The following ZNF280D variants were observed in gnomAD, a reference collection of about 807,000 sequenced individuals.
ZNF280D encodes zinc finger protein 280D.
In ZNF280D, 39 loss-of-function variants were observed where a neutral mutation model predicts 94.7. That is an observed-to-expected ratio of 0.41 (90% CI 0.32 to 0.54). The LOEUF (loss-of-function observed/expected upper bound fraction) is 0.54, where lower values mean the gene tolerates loss of function less well. Ranked by LOEUF, ZNF280D falls within the 20% of genes least tolerant of loss-of-function variation. ZNF280D has a pLI of 0.22. For missense variants in ZNF280D, 1,090 were observed against 1,149.3 expected (o/e 0.95, Z 0.75); for synonymous variants, 398 against 377.6 (o/e 1.05, Z -0.63).
chr15:56,709,275 C>T (rs2057609172), intron 1 of ZNF280D, among the ~76,000 whole-genome samples: 1 of 152,106 alleles, frequency 6.6e-6, no homozygotes, highest in Non-Finnish European at 1.5e-5. Flanking sequence ...TCATCACTGG[C>T]TATCAGAGAA....
intron 1 of ZNF280D, among the ~76,000 whole-genome samples, chr15:56,708,529 T>C (rs1024168544): frequency 8.5e-5 from 13 of 152,188 alleles, no homozygotes; most frequent in African/African-American, 3.1e-4. Flanking sequence ...GTTTTTAAGT[T>C]ATCAGGTAAG....
Position 56,733,504 on chromosome 15 carries a change from A to T in ZNF280D, c.-132T>A, listed in dbSNP as rs1489615516. On this transcript the variant is annotated 5_prime_UTR_variant, in exon 1 of 22. Transcript: ENST00000267807. Reference sequence around the variant, plus strand: ...TGACTGGAGCCCTGAGGAGGAGGAGAAAGAGGAGGAGGAAAAGGAGGAGCA... The same window carrying T: ...TGACTGGAGCCCTGAGGAGGAGGAGTAAGAGGAGGAGGAAAAGGAGGAGCA... 8.7e-7 allele frequency: 1 copy of T among 1,143,860 alleles called. No homozygotes were observed. The highest frequency in any genetic ancestry group is 1.1e-6 in the Non-Finnish European group (1 of 919,010). 70.9% of individuals were successfully genotyped at this position (1,143,860 alleles called of 1,614,324 possible).
rs1308392914 is a variant in ZNF280D, at chr15:56,700,587, T to A, written c.381+346A>T. On this transcript the variant is annotated intron_variant, in intron 6 of 21. Transcript: ENST00000267807. ...AAAGCTATGATGGTCACTTGACTGT[T>A]TTCCCAATTAAGAATACCTGGTCCC... The A allele has an allele frequency of 1.3e-5, 15 of 1,144,218 alleles. No individual in the cohort carries two copies. In the African/African-American group the frequency reaches 2.4e-4, roughly 18 times the overall value. 70.9% of individuals were successfully genotyped at this position (1,144,218 alleles called of 1,614,324 possible). A position where few individuals can be genotyped will look rare whatever the true frequency, so the allele number is the denominator to read the frequency against.
At chr15:56,702,039 A>AC (rs1174578126) in intron 4 of ZNF280D, among the ~76,000 whole-genome samples, 1 of 150,880 alleles carries the variant, frequency 6.6e-6, no homozygotes, top group Non-Finnish European at 1.5e-5. Flanking sequence ...AAAAAAAAAA[A>AC]ACCACCCACC....
chr15:56,689,194 T>C (rs1265332404), intron 8 of ZNF280D, 44 bp from the exon 9 acceptor site: 1 of 1,577,868 alleles, frequency 6.3e-7, no homozygotes, highest in Admixed American at 1.8e-5. Flanking sequence ...TTCATCACTT[T>C]TTAACCTTAA....
At chr15:56,646,801 G>C (rs1464213525) in intron 19 of ZNF280D, among the ~76,000 whole-genome samples, 10 of 152,180 alleles carry the variant, frequency 6.6e-5, no homozygotes, top group Admixed American at 5.9e-4. Context: ...CTATGAAAGG[G>C]AAAGAGGCAA....
chr15:56,658,856 T>C (rs566227952), intron 16 of ZNF280D, among the ~76,000 whole-genome samples: 1 of 152,262 alleles, frequency 6.6e-6, no homozygotes, highest in South Asian at 2.1e-4. Flanking sequence ...CAATATGAAG[T>C]TATTAATAGT....
At chr15:56,716,803 A>C (rs2058074117) in intron 1 of ZNF280D, among the ~76,000 whole-genome samples, 1 of 152,180 alleles carries the variant, frequency 6.6e-6, no homozygotes, top group African/African-American at 2.4e-5. Context: ...ACTATAAGTA[A>C]CAAAAACCCA....
intron 6 of ZNF280D, chr15:56,700,431 G>A (rs1413739265): frequency 1.3e-4 from 104 of 771,964 alleles, no homozygotes; most frequent in Non-Finnish European, 1.6e-4. Context: ...CATATTAACA[G>A]CTCAATGAAT....
chr15:56,644,024 T>C (rs1596334972), intron 19 of ZNF280D, among the ~76,000 whole-genome samples: 1 of 151,970 alleles, frequency 6.6e-6, no homozygotes, highest in Non-Finnish European at 1.5e-5. Flanking sequence ...TTTGAAAAAT[T>C]AGGGCTATAA....
intron 6 of ZNF280D, among the ~76,000 whole-genome samples, chr15:56,695,654 C>T (rs1414017940): frequency 1.3e-5 from 2 of 151,506 alleles, no homozygotes; most frequent in African/African-American, 2.4e-5. Flanking sequence ...CTCAGCCTCC[C>T]GAGTAGCCGG....
At chr15:56,640,845 T>C (rs994881298) in intron 20 of ZNF280D, among the ~76,000 whole-genome samples, 1 of 152,160 alleles carries the variant, frequency 6.6e-6, no homozygotes, top group Non-Finnish European at 1.5e-5. Context: ...AACTTGATTG[T>C]ATGTTATTGA....
At chr15:56,687,804 T>C (rs1383733257) in intron 9 of ZNF280D, among the ~76,000 whole-genome samples, 1 of 152,218 alleles carries the variant, frequency 6.6e-6, no homozygotes, top group African/African-American at 2.4e-5. Flanking sequence ...TATCCAGGGC[T>C]ATACTCTGAG....
intron 1 of ZNF280D, among the ~76,000 whole-genome samples, chr15:56,721,641 G>C (rs2058366786): frequency 6.7e-6 from 1 of 148,606 alleles, no homozygotes; most frequent in African/African-American, 2.6e-5. Flanking sequence ...ATCTCTGTTA[G>C]CTTCAAGCTT....
At position 56,651,469 on chromosome 15, in the gene ZNF280D, C is replaced by A. The variant is rs981601161; in HGVS notation, c.2213+2729G>T. Reference sequence around the variant, plus strand: ...CTGACTGCCAAGTGTTTTATTTGAACCTTTTTTTAAAAATGAATTTACTGG... The same window carrying A: ...CTGACTGCCAAGTGTTTTATTTGAAACTTTTTTTAAAAATGAATTTACTGG... On this transcript the variant is annotated intron_variant, in intron 19 of 21. Transcript: ENST00000267807. 2.6e-5 allele frequency among the ~76,000 whole-genome samples: 4 copies of A among 151,972 alleles called. No homozygotes were observed. The East Asian group carries it at 5.8e-4, about 22-fold the overall frequency.
At chr15:56,728,116 A>T (rs1346391083) in intron 1 of ZNF280D, among the ~76,000 whole-genome samples, 2 of 151,860 alleles carry the variant, frequency 1.3e-5, no homozygotes, top group African/African-American at 4.8e-5. Context: ...ACTGCAACCC[A>T]GACCTGAAGC....
intron 1 of ZNF280D, among the ~76,000 whole-genome samples, chr15:56,713,313 G>A (rs576188625): frequency 6.6e-6 from 1 of 152,132 alleles, no homozygotes; most frequent in African/African-American, 2.4e-5. Flanking sequence ...AACTCATAAA[G>A]TTAGCTCAAG....
chr15:56,662,380 G>C (rs1238972433), intron 16 of ZNF280D, among the ~76,000 whole-genome samples: 2 of 152,022 alleles, frequency 1.3e-5, no homozygotes, highest in East Asian at 3.8e-4. Flanking sequence ...CAAGATTTTT[G>C]AACACCTTCT....
intron 16 of ZNF280D, among the ~76,000 whole-genome samples, chr15:56,664,331 T>C (rs1362200075): frequency 1.3e-5 from 2 of 152,106 alleles, no homozygotes; most frequent in Non-Finnish European, 2.9e-5. Context: ...AAACAGGCAG[T>C]TGGGACAAAC....
Sources: allele counts gnomAD v4.1 joint callset (sites outside exome capture counted in the v4.1 genomes callset), GRCh38; gene constraint gnomAD v4.1.1; transcripts MANE v1.5; gene names NCBI Gene and HGNC (gene_info 2026-07-23, HGNC 2026-07-21).